Variants in POLA1 observed in about 807,000 individuals in gnomAD.
POLA1 encodes DNA polymerase alpha 1, catalytic subunit, also known as DNA polymerase alpha catalytic subunit.
POLA1 carries 15 observed loss-of-function variants against 124.0 expected under a neutral mutation model. The ratio of observed to expected loss-of-function variants is 0.12; its 90% CI spans 0.08 to 0.19. The LOEUF (loss-of-function observed/expected upper bound fraction) is 0.19. Ranked by LOEUF, POLA1 falls within the 10% of genes least tolerant of loss-of-function variation. The pLI is 1.00. For missense variants in POLA1, 886 were observed against 1,103.4 expected (o/e 0.80, Z 2.79); for synonymous variants, 408 against 389.4 (o/e 1.05, Z -0.56).
chrX:24,870,586 A>G (rs1479647210), intron 34 of POLA1, among the ~76,000 whole-genome samples: 1 of 111,666 alleles, frequency 9.0e-6, no homozygotes, highest in African/African-American at 3.3e-5. Context: ...CTGGAGGAAC[A>G]CTCAGTGACA....
chrX:24,833,306 G>T (rs1413759960), intron 32 of POLA1, among the ~76,000 whole-genome samples: 1 of 111,408 alleles, frequency 9.0e-6, no homozygotes, highest in Admixed American at 9.5e-5. Context: ...CTCATTGTTG[G>T]GCATTTGGGC....
intron 34 of POLA1, among the ~76,000 whole-genome samples, chrX:24,853,627 T>C (rs1467601697): frequency 3.6e-5 from 4 of 112,420 alleles, no homozygotes; most frequent in Non-Finnish European, 7.5e-5. Flanking sequence ...ATACAAATGT[T>C]CCAGTGAAAA....
At position 24,930,492 on chromosome X, in the gene POLA1, C is replaced by T. The variant is rs775436229; in HGVS notation, c.4204C>T (p.Arg1402Trp). ...KSLYTQLCFY[R>W]YIFDAECALE... is the part of the protein sequence containing the mutation. Reference sequence around the variant, plus strand: ...CCTGTACACCCAGCTGTGCTTTTACCGGTACATTTTTGATGCGGAGTGTGC... The same window carrying T: ...CCTGTACACCCAGCTGTGCTTTTACTGGTACATTTTTGATGCGGAGTGTGC... Residue 1402 changes from arginine (R) to tryptophan (W), a missense_variant, in exon 36 of 37, where the codon CGG (arginine) becomes TGG (tryptophan). This residue lies in a region of POLA1 where 313 missense variants were observed against 359.7 expected (regional missense o/e 0.87). Transcript: ENST00000379068. The T allele has an allele frequency of 6.7e-6, 8 of 1,199,758 alleles. No homozygotes were observed. The highest frequency in any genetic ancestry group is 1.8e-5 in the South Asian group (1 of 56,711).
intron 34 of POLA1, among the ~76,000 whole-genome samples, chrX:24,879,977 C>G (rs1298082886): frequency 9.0e-6 from 1 of 111,388 alleles, no homozygotes; most frequent in African/African-American, 3.3e-5. Context: ...TTTAATGTAC[C>G]TCAGGTACAT....
chrX:24,811,501 G>T (rs2148496834), intron 28 of POLA1, among the ~76,000 whole-genome samples: 1 of 110,462 alleles, frequency 9.1e-6, no homozygotes, highest in South Asian at 3.9e-4. Flanking sequence ...TGTTGGCCAG[G>T]ATGGTCTTGA....
intron 35 of POLA1, among the ~76,000 whole-genome samples, chrX:24,905,294 A>G (rs918433273): frequency 7.4e-5 from 8 of 108,132 alleles, no homozygotes; most frequent in Admixed American, 2.0e-4. Context: ...AATACCAACA[A>G]TTTTCATAGG....
chrX:24,939,716 T>C (rs1169999893), intron 36 of POLA1, among the ~76,000 whole-genome samples: 1 of 111,525 alleles, frequency 9.0e-6, no homozygotes, highest in African/African-American at 3.3e-5. Flanking sequence ...AAACTGAGTA[T>C]TGTGGTATGG....
At chrX:24,746,530 A>G (rs968756498) in intron 24 of POLA1, among the ~76,000 whole-genome samples, 6 of 112,117 alleles carry the variant, frequency 5.4e-5, no homozygotes, top group Non-Finnish European at 1.1e-4. Flanking sequence ...CTATACATGT[A>G]GCAATTTATA....
chrX:24,859,828 A>C (rs1415372291), intron 34 of POLA1, among the ~76,000 whole-genome samples: 1 of 112,622 alleles, frequency 8.9e-6, no homozygotes, highest in Non-Finnish European at 1.9e-5. Flanking sequence ...CCCAATTCTT[A>C]CTTTTTATTG....
intron 4 of POLA1, among the ~76,000 whole-genome samples, chrX:24,707,276 A>G (rs1005727760): frequency 1.1e-4 from 12 of 112,262 alleles, no homozygotes; most frequent in African/African-American, 3.9e-4. Flanking sequence ...GTCAGCTGTA[A>G]ATTAGGAAGT....
intron 18 of POLA1, among the ~76,000 whole-genome samples, 194 bp downstream of exon 18, chrX:24,735,682 T>G (rs956873502): frequency 3.6e-5 from 4 of 110,785 alleles, no homozygotes; most frequent in Non-Finnish European, 7.6e-5. Context: ...TTCTCTAGTA[T>G]AAAAGCAACC....
intron 23 of POLA1, among the ~76,000 whole-genome samples, chrX:24,744,777 C>T (rs1931895953): frequency 9.2e-6 from 1 of 108,237 alleles, no homozygotes; most frequent in Non-Finnish European, 1.9e-5. Flanking sequence ...ATGGTGAAGC[C>T]CCATCTCTAC....
At chrX:24,948,536 T>C (rs1235783686) in intron 36 of POLA1, among the ~76,000 whole-genome samples, 1 of 111,652 alleles carries the variant, frequency 9.0e-6, no homozygotes, top group Non-Finnish European at 1.9e-5. Context: ...TAAATAAGCG[T>C]GATAAACCAT....
At chrX:24,696,229 C>T (rs1236751184) in intron 1 of POLA1, among the ~76,000 whole-genome samples, 1 of 112,394 alleles carries the variant, frequency 8.9e-6, no homozygotes, top group East Asian at 2.8e-4. Flanking sequence ...GGAACCAACT[C>T]TACCAGATTG....
intron 26 of POLA1, among the ~76,000 whole-genome samples, chrX:24,800,491 C>T (rs1266895164): frequency 9.0e-6 from 1 of 110,613 alleles, no homozygotes; most frequent in Non-Finnish European, 1.9e-5. Context: ...TCATATTGAG[C>T]TCTTGTGTCA....
At chrX:24,921,550 T>TGC (rs2047615795) in intron 35 of POLA1, among the ~76,000 whole-genome samples, 1 of 112,101 alleles carries the variant, frequency 8.9e-6, no homozygotes, top group Non-Finnish European at 1.9e-5. Context: ...GCTAGAACAG[T>TGC]GCCTTCGCAT....
At chrX:24,710,127 T>G (rs1291375506) in intron 4 of POLA1, among the ~76,000 whole-genome samples, 1 of 110,978 alleles carries the variant, frequency 9.0e-6, no homozygotes, top group African/African-American at 3.3e-5. Flanking sequence ...CTTTTTTTTT[T>G]TTTTTACTGT....
At chrX:24,785,745 A>G (rs910640931) in intron 26 of POLA1, among the ~76,000 whole-genome samples, 2 of 112,059 alleles carry the variant, frequency 1.8e-5, no homozygotes, top group Admixed American at 9.5e-5. Flanking sequence ...ACATTGTGCA[A>G]TGATTACCAC....
chrX:24,758,770 C>G (rs887282001), intron 26 of POLA1, among the ~76,000 whole-genome samples: 1 of 112,408 alleles, frequency 8.9e-6, no homozygotes, highest in African/African-American at 3.2e-5. Flanking sequence ...AGCTCCGCCT[C>G]CCGGGTTCAC....
Sources: allele counts gnomAD v4.1 joint callset (sites outside exome capture counted in the v4.1 genomes callset), GRCh38; gene constraint gnomAD v4.1.1; regional missense constraint gnomAD v4.1.1; transcripts MANE v1.5; gene names NCBI Gene and HGNC (gene_info 2026-07-23, HGNC 2026-07-21).